The following CCDC14 variants were observed in gnomAD, a reference collection of about 807,000 sequenced individuals.
CCDC14 encodes coiled-coil domain containing 14, also known as coiled-coil domain-containing protein 14.
In CCDC14, 71 loss-of-function variants were observed where a neutral mutation model predicts 81.4. That is an observed-to-expected ratio of 0.87 (90% CI 0.72 to 1.06). The LOEUF (loss-of-function observed/expected upper bound fraction) is 1.06, where lower values mean the gene tolerates loss of function less well. Among genes scored for constraint, CCDC14 ranks in the 50% least tolerant of loss-of-function variants. The pLI is 0.00. For synonymous variants in CCDC14, 332 were observed against 364.8 expected (o/e 0.91, Z 1.03); for missense variants, 1,046 against 1,047.3 (o/e 1.00, Z 0.02).
intron 1 of CCDC14, among the ~76,000 whole-genome samples, chr3:123,960,636 A>C (rs911856306): frequency 1.0e-4 from 16 of 152,384 alleles, no homozygotes; most frequent in African/African-American, 3.6e-4. Flanking sequence ...GTTATCATTA[A>C]GATGGTGGCA....
At chr3:123,933,433 G>C (rs1259396929) in intron 10 of CCDC14, 7 of 483,676 alleles carry the variant, frequency 1.4e-5, no homozygotes, top group Non-Finnish European at 2.6e-5. Context: ...TATTCAGTAA[G>C]TGTTAAATAA....
At chr3:123,937,773 C>T (rs950334448) in intron 9 of CCDC14, among the ~76,000 whole-genome samples, 1 of 151,792 alleles carries the variant, frequency 6.6e-6, no homozygotes, top group East Asian at 1.9e-4. Context: ...CGTTTCCTTT[C>T]AGAGGTTTTG....
intron 9 of CCDC14, among the ~76,000 whole-genome samples, chr3:123,942,055 T>C (rs1222581158): frequency 1.3e-5 from 2 of 152,008 alleles, no homozygotes; most frequent in African/African-American, 2.4e-5. Flanking sequence ...TACACCTAAA[T>C]AGTGAGGTAT....
intron 12 of CCDC14, 115 bp downstream of exon 12, chr3:123,930,986 TG>T: frequency 1.1e-6 from 1 of 877,948 alleles, no homozygotes; most frequent in Non-Finnish European, 1.7e-6. Context: ...GCAAAAACAT[TG>T]GCAAAATAAG....
chr3:123,897,957 T>C (rs1333437671), intron 5 of CCDC14, among the ~76,000 whole-genome samples: 1 of 152,232 alleles, frequency 6.6e-6, no homozygotes, highest in Non-Finnish European at 1.5e-5. Flanking sequence ...CTCTGATGTA[T>C]ACAAAGCCTA....
At chr3:123,931,025 T>A in intron 12 of CCDC14, 77 bp downstream of exon 12, 1 of 1,253,746 alleles carries the variant, frequency 8.0e-7, no homozygotes, top group Non-Finnish European at 1.1e-6. Flanking sequence ...AGAAAACAGG[T>A]CTAACATTAT....
intron 5 of CCDC14, among the ~76,000 whole-genome samples, chr3:123,903,975 G>A (rs746506395): frequency 3.3e-5 from 5 of 152,158 alleles, no homozygotes; most frequent in Non-Finnish European, 7.4e-5. Context: ...CCAGCCTAGA[G>A]CCTGCTACTT....
chr3:123,937,859 G>A (rs528907500), intron 9 of CCDC14, among the ~76,000 whole-genome samples: 2 of 151,922 alleles, frequency 1.3e-5, no homozygotes, highest in South Asian at 4.1e-4. Flanking sequence ...AAAGGTTGAG[G>A]TTCATTTTTT....
At position 123,913,892 on chromosome 3, in the gene CCDC14, T is replaced by C. The variant is rs1164177830; in HGVS notation, c.*887A>G. ...GATACTGAGCTAAGAAGTCCTGGTA[T>C]AGAGAAGCAGAGAGACCAACCTACT... On this transcript the variant is annotated 3_prime_UTR_variant, in exon 13 of 13. Coordinates refer to ENST00000409697, the MANE Select transcript of CCDC14 (RefSeq NM_001366335.1). 131 of 985,268 alleles carry C rather than the reference T, an allele frequency of 1.3e-4. No homozygotes were observed. In the Middle Eastern group the frequency reaches 2.1e-3, roughly 16 times the overall value. 61.0% of individuals were successfully genotyped at this position (985,268 alleles called of 1,614,324 possible). A position where few individuals can be genotyped will look rare whatever the true frequency, so the allele number is the denominator to read the frequency against.
At position 123,959,334 on chromosome 3, in the gene CCDC14, G is replaced by T. The variant is rs1053134793; in HGVS notation, c.30+1810C>A. ...TTTTTTTAATGTCATCCTAACAGGGGTTAGGTGATAGCTCATTGTGGTTTT... is the reference window on the plus strand; with the variant it reads ...TTTTTTTAATGTCATCCTAACAGGGTTTAGGTGATAGCTCATTGTGGTTTT... On this transcript the variant is annotated intron_variant, in intron 1 of 12. Coordinates refer to ENST00000409697, the MANE Select transcript of CCDC14 (RefSeq NM_001366335.1). 3.3e-5 allele frequency among the ~76,000 whole-genome samples: 5 copies of T among 152,266 alleles called. No homozygotes were observed. The East Asian group carries it at 9.7e-4, about 29-fold the overall frequency.
downstream of CCDC14, among the ~76,000 whole-genome samples, chr3:123,909,278 C>G (rs777866542): frequency 4.6e-5 from 7 of 152,126 alleles, no homozygotes; most frequent in Non-Finnish European, 1.0e-4. Context: ...GTGTAAGTCT[C>G]TTGCTCCAAA....
intron 10 of CCDC14, among the ~76,000 whole-genome samples, chr3:123,931,956 TAC>T: frequency 6.6e-6 from 1 of 152,324 alleles, no homozygotes; most frequent in Admixed American, 6.5e-5. Flanking sequence ...TTACACTACA[TAC>T]ACACACATAC....
chr3:123,936,731 ACTATTGTG>A (rs2036076855), intron 9 of CCDC14, among the ~76,000 whole-genome samples: 8 of 152,054 alleles, frequency 5.3e-5, no homozygotes, highest in African/African-American at 1.9e-4. Context: ...AGAAAAGATA[ACTATTGTG>A]TACTGGGCTT....
At chr3:123,908,345 G>A (rs1215764865) in intron 5 of CCDC14, among the ~76,000 whole-genome samples, 1 of 152,126 alleles carries the variant, frequency 6.6e-6, no homozygotes, top group Admixed American at 6.6e-5. Context: ...CCCTTCAAAG[G>A]CACACTGTCT....
At chr3:123,899,930 A>T (rs1430635224) in intron 5 of CCDC14, among the ~76,000 whole-genome samples, 1 of 152,142 alleles carries the variant, frequency 6.6e-6, no homozygotes, top group African/African-American at 2.4e-5. Flanking sequence ...ATGATCCCTT[A>T]TCTGTGAAAC....
chr3:123,931,645 G>C, intron 10 of CCDC14, 119 bp from the exon 11 acceptor site: 2 of 604,792 alleles, frequency 3.3e-6, no homozygotes, highest in East Asian at 5.7e-5. Flanking sequence ...TTTGTTTAAC[G>C]ATTAATTGCA....
In CCDC14 at chr3:123,949,033, T is replaced by C; in HGVS notation, c.452A>G (p.Tyr151Cys). ...GTATATTATGGGTGAATACATTCTA[T>C]AATGATCTTGCAATGACCAGTTTTG... ...LEQNWSLQDHYRMYSPIIYQA... is the reference protein window; with the variant it reads ...LEQNWSLQDHCRMYSPIIYQA... The change falls in exon 6 of 13, where the codon TAT (tyrosine) becomes TGT (cysteine). Residue 151 changes from tyrosine to cysteine, a missense_variant. By Grantham distance (194) the Tyr-to-Cys change is radical. Transcript: ENST00000409697. 2 of 1,613,802 alleles carry C rather than the reference T, an allele frequency of 1.2e-6. No homozygotes were observed. Among genetic ancestry groups the C allele is most frequent in the Non-Finnish European group, 1.7e-6 (2 of 1,179,770 alleles).
At chr3:123,956,496 C>T (rs1577341878) in intron 2 of CCDC14, 69 bp from the exon 3 acceptor site, 1 of 1,131,664 alleles carries the variant, frequency 8.8e-7, no homozygotes. Flanking sequence ...TAGTCATTTT[C>T]TTTCCAGCAA....
At chr3:123,928,642 A>G (rs2035525930) in intron 12 of CCDC14, among the ~76,000 whole-genome samples, 1 of 152,248 alleles carries the variant, frequency 6.6e-6, no homozygotes, top group African/African-American at 2.4e-5. Flanking sequence ...CTTCACACAT[A>G]TATATTTGGA....
Sources: gnomAD v4.1 joint callset for allele counts (sites outside exome capture counted in the v4.1 genomes callset) on GRCh38, gnomAD v4.1.1 for gene constraint, MANE v1.5 for transcripts, NCBI Gene and HGNC (gene_info 2026-07-23, HGNC 2026-07-21) for gene names.